The following GRIK3 variants were observed in gnomAD, a reference collection of about 807,000 sequenced individuals.
GRIK3 encodes the protein glutamate receptor ionotropic, kainate 3.
GRIK3 carries 29 observed loss-of-function variants against 102.5 expected under a neutral mutation model. The observed-to-expected ratio is 0.28, with a 90% CI of 0.21 to 0.39. The LOEUF (loss-of-function observed/expected upper bound fraction) is 0.39. Ranked by LOEUF, GRIK3 falls within the 10% of genes least tolerant of loss-of-function variation. GRIK3 has a pLI of 1.00. For synonymous variants in GRIK3, 511 were observed against 504.9 expected (o/e 1.01, Z -0.16); for missense variants, 908 against 1,252.4 (o/e 0.73, Z 4.15).
intron 1 of GRIK3, 33 bp downstream of exon 1, chr1:37,033,961 G>A: frequency 1.6e-6 from 2 of 1,276,762 alleles, no homozygotes; most frequent in Non-Finnish European, 2.2e-6. Context: ...CCTCCCGGGC[G>A]CACGGAGACC....
rs926285078 is a variant in GRIK3, at chr1:36,795,805, G to C, written c.*6046C>G. On this transcript the variant is annotated 3_prime_UTR_variant, in exon 16 of 16. Coordinates refer to ENST00000373091, the MANE Select transcript of GRIK3 (RefSeq NM_000831.4). ...GAGACCAGTGTGTGGGAACCATGTT[G>C]AGTGGGAGTGGGGGGCGTCCAGGCA... 42 of 152,354 alleles carry C rather than the reference G, an allele frequency of 2.8e-4. No homozygotes were observed. The highest frequency in any genetic ancestry group is 9.6e-4 in the African/African-American group (40 of 41,582). 9.4% of individuals were successfully genotyped at this position (152,354 alleles called of 1,614,324 possible). A position where few individuals can be genotyped will look rare whatever the true frequency, so the allele number is the denominator to read the frequency against.
chr1:36,968,146 G>A (rs1196298054), intron 1 of GRIK3, among the ~76,000 whole-genome samples: 1 of 152,066 alleles, frequency 6.6e-6, no homozygotes, highest in Non-Finnish European at 1.5e-5. Context: ...CTTTTACCAT[G>A]AGTGATGGGA....
chr1:37,031,088 C>T (rs1278189880), intron 1 of GRIK3, among the ~76,000 whole-genome samples: 2 of 152,056 alleles, frequency 1.3e-5, no homozygotes, highest in African/African-American at 2.4e-5. Context: ...AACTGCCTTC[C>T]GTAAGTTAAG....
At chr1:36,859,734 G>A in intron 6 of GRIK3, 110 bp downstream of exon 6, 2 of 881,216 alleles carry the variant, frequency 2.3e-6, no homozygotes, top group Non-Finnish European at 3.7e-6. Flanking sequence ...CACATGGAAG[G>A]TCTCAAGAAG....
At chr1:37,018,415 T>C (rs975275823) in intron 1 of GRIK3, among the ~76,000 whole-genome samples, 6 of 152,214 alleles carry the variant, frequency 3.9e-5, no homozygotes, top group Non-Finnish European at 7.3e-5. Context: ...ACACCAGATC[T>C]GCTCCTTCTC....
At chr1:36,907,483 C>T (rs1404513946) in intron 1 of GRIK3, among the ~76,000 whole-genome samples, 1 of 152,150 alleles carries the variant, frequency 6.6e-6, no homozygotes, top group East Asian at 1.9e-4. Flanking sequence ...GAAAAGTCAG[C>T]TACAGAATAC....
At chr1:36,865,672 G>A (rs772624695) in intron 5 of GRIK3, among the ~76,000 whole-genome samples, 2 of 152,184 alleles carry the variant, frequency 1.3e-5, no homozygotes, top group Admixed American at 6.5e-5. Flanking sequence ...CATTCTTCCC[G>A]ACCCTCAGAT....
intron 1 of GRIK3, among the ~76,000 whole-genome samples, chr1:36,985,215 C>T (rs1642291813): frequency 1.3e-5 from 2 of 152,110 alleles, no homozygotes; most frequent in Admixed American, 1.3e-4. Flanking sequence ...CTCGTTAGCA[C>T]TCTCCAGGAA....
chr1:37,024,174 G>A (rs1642743289), intron 1 of GRIK3, among the ~76,000 whole-genome samples: 1 of 152,184 alleles, frequency 6.6e-6, no homozygotes, highest in Non-Finnish European at 1.5e-5. Flanking sequence ...GATCTTACTG[G>A]TTTCAATAAA....
At position 36,805,161 on chromosome 1, in the gene GRIK3, C is replaced by T; in HGVS notation, c.2391G>A (p.Glu797=). The T allele has an allele frequency of 6.2e-7, 1 of 1,614,208 alleles. No individual in the cohort carries two copies. Among genetic ancestry groups the T allele is most frequent in the Non-Finnish European group, 8.5e-7 (1 of 1,180,038 alleles). Residue 797 remains glutamate, a synonymous_variant, in exon 15 of 16, where the codon GAG becomes GAA. Transcript: ENST00000373091. The part of the protein sequence containing the change: ...QEEDKLHIMK[E]KWWRGSGCPE... Reference sequence around the variant, plus strand: ...GACACCCGCTGCCCCGCCACCACTTCTCCTTCATGATATGCAGCTTGTCCT... The same window carrying T: ...GACACCCGCTGCCCCGCCACCACTTTTCCTTCATGATATGCAGCTTGTCCT...
chr1:36,801,836 C>T lies in GRIK3; in HGVS notation c.*15G>A, dbSNP rs761069071. ...TGCCCAGCCCCCAGGCCTGAGGTCC[C>T]CACCCCAGCTGTGCCTAGGGGAACA... is the stretch of plus-strand genomic sequence containing the variant. On this transcript the variant is annotated 3_prime_UTR_variant, in exon 16 of 16. Transcript: ENST00000373091. 23 of 1,580,572 alleles carry T rather than the reference C, an allele frequency of 1.5e-5. No individual in the cohort carries two copies. The South Asian group carries it at 2.5e-4, about 17-fold the overall frequency.
At chr1:36,992,352 A>T (rs904572840) in intron 1 of GRIK3, among the ~76,000 whole-genome samples, 1 of 152,080 alleles carries the variant, frequency 6.6e-6, no homozygotes, top group Admixed American at 6.6e-5. Context: ...GGGGTCATAG[A>T]CGCCCACCTT....
chr1:36,957,578 C>CCCCATAAG (rs1641934681), intron 1 of GRIK3, among the ~76,000 whole-genome samples: 1 of 121,370 alleles, frequency 8.2e-6, no homozygotes, highest in Non-Finnish European at 1.7e-5. Flanking sequence ...TGAGTCTGTG[C>CCCCATAAG]CCTGTGAGTC....
intron 1 of GRIK3, among the ~76,000 whole-genome samples, chr1:36,902,061 C>G (rs1337569402): frequency 6.6e-6 from 1 of 152,166 alleles, no homozygotes; most frequent in African/African-American, 2.4e-5. Flanking sequence ...ACTCACAACT[C>G]TAATGAAAGA....
chr1:36,841,924 T>A lies in GRIK3; in HGVS notation c.1342A>T (p.Met448Leu). The A allele has an allele frequency of 1.2e-6, 2 of 1,614,074 alleles. No homozygotes were observed. The highest frequency in any genetic ancestry group is 8.5e-7 in the Non-Finnish European group (1 of 1,179,980). ...VTTVLEEPFV[M>L]FRKSDRTLYG... The stretch of plus-strand genomic sequence containing the variant: ...AGCGTCCTGTCTGATTTCCGAAACA[T>A]GACGAAGGGCTCCTCCTGCAGAGAC... Residue 448 changes from methionine (M) to leucine (L), a missense_variant, in exon 10 of 16, where the codon ATG (methionine) becomes TTG (leucine). Coordinates refer to ENST00000373091, the MANE Select transcript of GRIK3 (RefSeq NM_000831.4).
In GRIK3 at chr1:36,796,429, C is replaced by T. The variant is rs767471902; in HGVS notation, c.*5422G>A. 6.6e-6 allele frequency: 1 copy of T among 152,346 alleles called. No homozygotes were observed. Among genetic ancestry groups the T allele is most frequent in the Non-Finnish European group, 1.5e-5 (1 of 68,170 alleles). 9.4% of individuals were successfully genotyped at this position (152,346 alleles called of 1,614,324 possible). A position where few individuals can be genotyped will look rare whatever the true frequency, so the allele number is the denominator to read the frequency against. ...GAGGTCGCTCCCTGACAGCTGGTCT[C>T]TGGGTCAAATGGGGCTGGGGAGGTT... is the stretch of plus-strand genomic sequence containing the variant. On this transcript the variant is annotated 3_prime_UTR_variant, in exon 16 of 16. Transcript: ENST00000373091.
intron 1 of GRIK3, among the ~76,000 whole-genome samples, chr1:36,997,205 G>A (rs903991321): frequency 1.3e-5 from 2 of 152,148 alleles, no homozygotes; most frequent in South Asian, 2.1e-4. Flanking sequence ...AAATGTCAGC[G>A]GCAGGCCCTG....
intron 1 of GRIK3, among the ~76,000 whole-genome samples, chr1:36,963,374 A>C (rs1452091111): frequency 6.6e-6 from 1 of 152,132 alleles, no homozygotes; most frequent in Non-Finnish European, 1.5e-5. Flanking sequence ...AGAACGTGAG[A>C]GTCACACCAA....
Position 36,800,558 on chromosome 1 carries a change from T to A in GRIK3, c.*1293A>T, listed in dbSNP as rs1416005965. The A allele has an allele frequency of 6.6e-6, 1 of 152,246 alleles. No individual in the cohort carries two copies. Among genetic ancestry groups the A allele is most frequent in the African/African-American group, 2.4e-5 (1 of 41,458 alleles). The allele number at this position is 152,246 out of a possible 1,614,324, so 9.4% of individuals were successfully genotyped here. A position where few individuals can be genotyped will look rare whatever the true frequency, so the allele number is the denominator to read the frequency against. On this transcript the variant is annotated 3_prime_UTR_variant, in exon 16 of 16. Transcript: ENST00000373091. ...CAGACAAGGGGCCAGGATGGCCTCATGTCTCTGTGTGGGGTCTTTGGTTAA... is the reference window on the plus strand; with the variant it reads ...CAGACAAGGGGCCAGGATGGCCTCAAGTCTCTGTGTGGGGTCTTTGGTTAA...
Sources: allele counts gnomAD v4.1 joint callset (sites outside exome capture counted in the v4.1 genomes callset), GRCh38; gene constraint gnomAD v4.1.1; transcripts MANE v1.5; gene names NCBI Gene and HGNC (gene_info 2026-07-23, HGNC 2026-07-21).